ESPNL: variants seen among roughly 807,000 people sequenced by gnomAD.
ESPNL encodes espin like, also known as espin-like protein.
Under a neutral mutation model 46.8 loss-of-function variants are expected in ESPNL, and 49 were observed. That is an observed-to-expected ratio of 1.05 (90% CI 0.83 to 1.33). ESPNL has a LOEUF of 1.33. Ranked by LOEUF, ESPNL falls within the 40% of genes most tolerant of loss-of-function variation. The probability of loss-of-function intolerance (pLI) is 0.00; values close to 1 mark genes in which losing one functional copy is unlikely to be tolerated. For synonymous variants in ESPNL, 664 were observed against 662.1 expected (o/e 1.00, Z -0.04); for missense variants, 1,540 against 1,436.6 (o/e 1.07, Z -1.16).
At chr2:238,129,334 T>G in intron 8 of ESPNL, 1 of 884,376 alleles carries the variant, frequency 1.1e-6, no homozygotes, top group Non-Finnish European at 1.4e-6. Context: ...TCTGGGGACG[T>G]GGCCTTGAGC....
At chr2:238,100,838 T>G in intron 1 of ESPNL, 125 bp downstream of exon 1, 11 of 799,678 alleles carry the variant, frequency 1.4e-5, no homozygotes, top group South Asian at 3.0e-5. Context: ...TTTGTTTCTC[T>G]TGGGGACTCA....
chr2:238,129,503 G>C (rs549782165), intron 8 of ESPNL, among the ~76,000 whole-genome samples: 2 of 152,310 alleles, frequency 1.3e-5, no homozygotes, highest in South Asian at 2.1e-4. Context: ...GGTTGGAGAG[G>C]AACCTGGCTG....
chr2:238,122,289 C>A (rs1692004701), intron 5 of ESPNL, among the ~76,000 whole-genome samples: 1 of 152,248 alleles, frequency 6.6e-6, no homozygotes, highest in African/African-American at 2.4e-5. Flanking sequence ...GGAGAAACGC[C>A]ACAGCCAGAC....
intron 2 of ESPNL, among the ~76,000 whole-genome samples, chr2:238,104,421 G>A (rs202052305): frequency 1.3e-5 from 2 of 152,212 alleles, no homozygotes; most frequent in African/African-American, 2.4e-5. Context: ...AAGAAGATGC[G>A]TGTTTCAGAC....
chr2:238,116,379 G>A (rs13386311), intron 4 of ESPNL, among the ~76,000 whole-genome samples: 2 of 152,230 alleles, frequency 1.3e-5, no homozygotes, highest in African/African-American at 4.8e-5. Flanking sequence ...GGCTGGCAAA[G>A]GTGGTGAGCG....
chr2:238,117,469 G>A (rs768557724), intron 5 of ESPNL, among the ~76,000 whole-genome samples: 6 of 36,278 alleles, frequency 1.7e-4, no homozygotes, highest in African/African-American at 4.7e-4. Context: ...AGAGTTCCTC[G>A]TGGGTGATGT....
At chr2:238,101,858 C>A in intron 1 of ESPNL, 83 bp from the exon 2 acceptor site, 2 of 1,024,700 alleles carry the variant, frequency 2.0e-6, no homozygotes, top group Non-Finnish European at 2.9e-6. Context: ...GCAGTGTGAG[C>A]CCTCGCCCAG....
chr2:238,121,167 C>T (rs1691979562), intron 5 of ESPNL, among the ~76,000 whole-genome samples: 1 of 152,180 alleles, frequency 6.6e-6, no homozygotes, highest in Non-Finnish European at 1.5e-5. Context: ...GTCTTGAAGG[C>T]CAGGGGCTGC....
rs550917127 is a variant in ESPNL at position 238,100,440 on chromosome 2, C to T, written c.21C>T (p.Leu7=). The T allele has an allele frequency of 2.3e-5, 37 of 1,602,802 alleles. No homozygotes were observed. In the East Asian group the frequency reaches 5.4e-4, roughly 23 times the overall value. The change falls in exon 1 of 9, where the codon CTC becomes CTT. Residue 7 remains leucine, a synonymous_variant. Transcript: ENST00000343063. MEKQRA[L]VAAKDGDVAT... is the part of the protein sequence containing the mutation. Reference sequence around the variant, plus strand: ...AGAGGATGGAGAAGCAGCGGGCACTCGTGGCCGCCAAGGATGGGGATGTGG... The same window carrying T: ...AGAGGATGGAGAAGCAGCGGGCACTTGTGGCCGCCAAGGATGGGGATGTGG...
At chr2:238,100,737 G>A in intron 1 of ESPNL, 24 bp downstream of exon 1, 1 of 1,402,224 alleles carries the variant, frequency 7.1e-7, no homozygotes. Flanking sequence ...GGGCAGCCTG[G>A]CTCCACGAAG....
At chr2:238,129,013 G>C in intron 8 of ESPNL, 109 bp downstream of exon 8, 15 of 1,450,336 alleles carry the variant, frequency 1.0e-5, no homozygotes, top group Non-Finnish European at 1.4e-5. Context: ...AAGACCCAGG[G>C]GCCCCTCTCC....
At chr2:238,119,780 C>G (rs967946087) in intron 5 of ESPNL, among the ~76,000 whole-genome samples, 12 of 152,098 alleles carry the variant, frequency 7.9e-5, no homozygotes, top group Non-Finnish European at 1.6e-4. Flanking sequence ...CCTCCACCCC[C>G]CAAACCCTTT....
intron 3 of ESPNL, among the ~76,000 whole-genome samples, 179 bp downstream of exon 3, chr2:238,105,021 A>G (rs7565244): frequency 0.77 from 117,511 of 151,814 alleles, 45,943 homozygotes; most frequent in African/African-American, 0.89. Context: ...GCTGGGCCCC[A>G]GAAGTTTTGA....
chr2:238,104,501 C>G (rs1273877355), intron 2 of ESPNL, among the ~76,000 whole-genome samples, 155 bp from the exon 3 acceptor site: 1 of 152,232 alleles, frequency 6.6e-6, no homozygotes, highest in Non-Finnish European at 1.5e-5. Flanking sequence ...GGGGGAGCAA[C>G]CTGGAGGGGG....
At chr2:238,119,737 G>T (rs1178735018) in intron 5 of ESPNL, among the ~76,000 whole-genome samples, 1 of 152,062 alleles carries the variant, frequency 6.6e-6, no homozygotes, top group Non-Finnish European at 1.5e-5. Context: ...TTCTTTTCGG[G>T]TGAGGGGACT....
chr2:238,124,522 G>A (rs1375612624), intron 5 of ESPNL, among the ~76,000 whole-genome samples: 7 of 152,202 alleles, frequency 4.6e-5, no homozygotes, highest in Admixed American at 3.3e-4. Flanking sequence ...AGTCAGGGCA[G>A]TCGGGGAGGG....
rs1321736043 is a variant in ESPNL at position 238,130,414 on chromosome 2, C to A, written c.1700C>A (p.Ser567Ter). ...CCCGGACTGGAGGTTGAGGAGGCCT[C>A]AATCCCAGCGGCTGAGCCCGCAGGG... is the stretch of plus-strand genomic sequence containing the variant. ...RAPGLEVEEASIPAAEPAGSA... is the reference protein window; with the variant it reads ...RAPGLEVEEA The change falls in exon 9 of 9, where the codon TCA (serine) becomes TAA (stop). Residue 567 changes from serine (S) to a stop codon, truncating the protein, a stop_gained. Coordinates refer to ENST00000343063, the MANE Select transcript of ESPNL (RefSeq NM_194312.4). LOFTEE classifies it low-confidence loss of function (END_TRUNC). 1 of 1,609,918 alleles carries A rather than the reference C, an allele frequency of 6.2e-7. No homozygotes were observed. The highest frequency in any genetic ancestry group is 8.5e-7 in the Non-Finnish European group (1 of 1,178,800).
Position 238,125,297 on chromosome 2 carries a change from C to T in ESPNL, c.1015C>T (p.Pro339Ser), listed in dbSNP as rs1161430757. The T allele has an allele frequency of 1.3e-6, 2 of 1,552,424 alleles. No individual in the cohort carries two copies. The highest frequency in any genetic ancestry group is 2.4e-5 in the East Asian group (1 of 41,356). ...GCCCCTGCTGATGACGCCCCCACCACCACCGTTCCCCCCACCTCCACTGTT... is the reference window on the plus strand; with the variant it reads ...GCCCCTGCTGATGACGCCCCCACCATCACCGTTCCCCCCACCTCCACTGTT... ...PVPLLMTPPP[P>S]PFPPPPLLAT... Residue 339 changes from proline to serine, a missense_variant, in exon 6 of 9, where the codon CCA becomes TCA. Pro to Ser is a moderately conservative substitution (Grantham distance 74, BLOSUM62 -1). Transcript: ENST00000343063.
intron 6 of ESPNL, chr2:238,127,384 G>A (rs909451641): frequency 7.7e-7 from 1 of 1,291,508 alleles, no homozygotes; most frequent in African/African-American, 1.5e-5. Flanking sequence ...GCCGCGGCGT[G>A]GCCCAGCGGT....
Sources: allele counts gnomAD v4.1 joint callset (sites outside exome capture counted in the v4.1 genomes callset), GRCh38; gene constraint gnomAD v4.1.1; transcripts MANE v1.5; gene names NCBI Gene and HGNC (gene_info 2026-07-23, HGNC 2026-07-21).